The following KCNIP4 variants were observed in gnomAD, a reference collection of about 807,000 sequenced individuals.
The protein encoded by KCNIP4 is potassium voltage-gated channel interacting protein 4.
A neutral mutation model predicts 34.0 loss-of-function variants in KCNIP4; 12 were observed. The observed-to-expected ratio is 0.35, with a 90% CI of 0.23 to 0.57. The LOEUF is 0.57. Among genes scored for constraint, KCNIP4 ranks in the 20% least tolerant of loss-of-function variants. The pLI is 0.83. For synonymous variants in KCNIP4, 124 were observed against 102.2 expected, an observed-to-expected ratio of 1.21 and a Z score of -1.29; for missense variants, 238 against 311.7, an observed-to-expected ratio of 0.76 and a Z score of 1.78.
intron 3 of KCNIP4, among the ~76,000 whole-genome samples, chr4:20,839,364 A>G (rs2149469025): frequency 6.6e-6 from 1 of 151,860 alleles, no homozygotes; most frequent in African/African-American, 2.4e-5. Context: ...AAAAGCAAAT[A>G]TCTACCTATA....
At chr4:21,657,446 T>G (rs1458238607) in intron 1 of KCNIP4, among the ~76,000 whole-genome samples, 1 of 152,158 alleles carries the variant, frequency 6.6e-6, no homozygotes, top group Non-Finnish European at 1.5e-5. Flanking sequence ...TCATCTCCAA[T>G]CAGGATAAAA....
intron 1 of KCNIP4, among the ~76,000 whole-genome samples, chr4:21,367,388 T>C (rs1486539550): frequency 6.6e-6 from 1 of 152,190 alleles, no homozygotes; most frequent in African/African-American, 2.4e-5. Context: ...TGTTGTATGC[T>C]GCTTCCTTTA....
At chr4:20,888,587 A>T (rs1426085988) in intron 1 of KCNIP4, among the ~76,000 whole-genome samples, 1 of 152,156 alleles carries the variant, frequency 6.6e-6, no homozygotes, top group Admixed American at 6.5e-5. Flanking sequence ...AAACTGCCTT[A>T]GTATGTAGGA....
At chr4:20,735,610 A>G (rs1396597506) in intron 5 of KCNIP4, among the ~76,000 whole-genome samples, 1 of 146,902 alleles carries the variant, frequency 6.8e-6, no homozygotes, top group Non-Finnish European at 1.5e-5. Flanking sequence ...GCTCACTGCA[A>G]CTTCCACCTC....
intron 1 of KCNIP4, among the ~76,000 whole-genome samples, chr4:21,166,937 TCAAAAAAAAAA>T (rs1753669975): frequency 6.1e-5 from 1 of 16,338 alleles, no homozygotes; most frequent in African/African-American, 2.9e-4. Context: ...ACACTCCATC[TCAAAAAAAAAA>T]AAAAAAAAAA....
In KCNIP4 at chr4:21,006,003, T is replaced by C. The variant is rs141712118; in HGVS notation, c.62-123294A>G. ...ATGCCCTTAAAAGTATTTATGTCAA[T>C]AGGAGAGCAATAGAGAGCCTTAAAA... On this transcript the variant is annotated intron_variant, in intron 1 of 8. Transcript: ENST00000382152. Among the ~76,000 whole-genome samples the C allele has an allele frequency of 5.9e-5, 9 of 152,282 alleles. No individual in the cohort carries two copies. In the East Asian group the frequency reaches 1.5e-3, roughly 26 times the overall value.
chr4:21,020,767 G>A (rs1739960099), intron 1 of KCNIP4, among the ~76,000 whole-genome samples: 1 of 152,160 alleles, frequency 6.6e-6, no homozygotes, highest in South Asian at 2.1e-4. Flanking sequence ...GTTATGCAAA[G>A]ATTGAGTGAA....
At chr4:21,629,566 GA>G in intron 1 of KCNIP4, among the ~76,000 whole-genome samples, 1 of 152,086 alleles carries the variant, frequency 6.6e-6, no homozygotes, top group Non-Finnish European at 1.5e-5. Context: ...CATAATGTGT[GA>G]AAAATGCTAC....
chr4:21,226,291 G>GAA (rs1758387853), intron 1 of KCNIP4, among the ~76,000 whole-genome samples: 1 of 134,910 alleles, frequency 7.4e-6, no homozygotes, highest in Admixed American at 7.4e-5. Context: ...GAGAGAGAGA[G>GAA]AAAGGGAGAA....
intron 1 of KCNIP4, among the ~76,000 whole-genome samples, chr4:21,482,910 A>G (rs1263955139): frequency 6.6e-6 from 1 of 152,108 alleles, no homozygotes; most frequent in Non-Finnish European, 1.5e-5. Flanking sequence ...CTATGCAGCC[A>G]TAAAAAATGA....
intron 1 of KCNIP4, among the ~76,000 whole-genome samples, chr4:21,090,013 T>C (rs1332656793): frequency 6.6e-6 from 1 of 152,150 alleles, no homozygotes; most frequent in Non-Finnish European, 1.5e-5. Flanking sequence ...CTTCAATCGT[T>C]CCTTCTGCTC....
intron 1 of KCNIP4, among the ~76,000 whole-genome samples, chr4:21,107,802 C>CA (rs1389153344): frequency 6.6e-6 from 1 of 151,354 alleles, no homozygotes; most frequent in Non-Finnish European, 1.5e-5. Context: ...CTGGTGGTGA[C>CA]AAAATCTCTC....
chr4:20,782,256 C>T (rs1236096340), intron 3 of KCNIP4, among the ~76,000 whole-genome samples: 1 of 152,068 alleles, frequency 6.6e-6, no homozygotes, highest in Non-Finnish European at 1.5e-5. Flanking sequence ...TACATGGTGC[C>T]AGCTGTAGGT....
At chr4:21,675,079 T>C (rs957198230) in intron 1 of KCNIP4, among the ~76,000 whole-genome samples, 11 of 152,068 alleles carry the variant, frequency 7.2e-5, no homozygotes, top group Non-Finnish European at 1.6e-4. Context: ...ATGAAGAAAA[T>C]GTGGTACACA....
chr4:20,937,270 TG>T, intron 1 of KCNIP4, among the ~76,000 whole-genome samples: 1 of 123,740 alleles, frequency 8.1e-6, no homozygotes, highest in African/African-American at 3.2e-5. Context: ...AGTTTTGCTC[TG>T]TTGCCCAGGC....
intron 1 of KCNIP4, among the ~76,000 whole-genome samples, chr4:20,911,518 A>G (rs981097238): frequency 1.3e-5 from 2 of 152,138 alleles, no homozygotes; most frequent in African/African-American, 4.8e-5. Flanking sequence ...AGGGTGGGTA[A>G]ATTTCTGGTA....
chr4:21,777,831 A>G (rs944821852), intron 1 of KCNIP4, among the ~76,000 whole-genome samples: 1 of 152,306 alleles, frequency 6.6e-6, no homozygotes, highest in African/African-American at 2.4e-5. Flanking sequence ...AATTTCATAC[A>G]CTTTTTATGA....
intron 5 of KCNIP4, among the ~76,000 whole-genome samples, chr4:20,744,618 G>C (rs941494880): frequency 4.6e-5 from 7 of 152,150 alleles, no homozygotes; most frequent in Admixed American, 2.0e-4. Context: ...GGCCTGATGA[G>C]GGGTCAGGGG....
intron 1 of KCNIP4, among the ~76,000 whole-genome samples, chr4:21,489,265 G>C (rs73252228): frequency 0.054 from 6,325 of 117,834 alleles, 209 homozygotes; most frequent in Middle Eastern, 0.19. Context: ...GTAAAAGAAA[G>C]AAAGAAAAAG....
Sources: gnomAD v4.1 joint callset for allele counts (sites outside exome capture counted in the v4.1 genomes callset) on GRCh38, gnomAD v4.1.1 for gene constraint, MANE v1.5 for transcripts, NCBI Gene and HGNC (gene_info 2026-07-23, HGNC 2026-07-21) for gene names.